Variants in SPATA17 observed in about 807,000 individuals in gnomAD.
SPATA17 encodes the protein spermatogenesis associated 17, also known as spermatogenesis-associated protein 17.
A neutral mutation model predicts 62.2 loss-of-function variants in SPATA17; 53 were observed. The observed-to-expected ratio is 0.85, with a 90% CI of 0.68 to 1.07. The LOEUF (loss-of-function observed/expected upper bound fraction) is 1.07, where lower values mean the gene tolerates loss of function less well. SPATA17 is among the 50% of genes least tolerant of loss of function. The pLI is 0.00. For synonymous variants in SPATA17, 146 were observed against 146.8 expected (o/e 0.99, Z 0.04); for missense variants, 466 against 425.5 (o/e 1.10, Z -0.84).
rs567563890 is a variant in SPATA17, at chr1:217,731,065, CTCTTA to C, written c.396-10908_396-10904del. ...GCACTGTAAACCACTTTCTTCTCTT[CTCTTA>C]TAATTTAATTCTCTGATACCACTTT... On this transcript the variant is annotated intron_variant, in intron 5 of 10. Coordinates refer to ENST00000366933, the MANE Select transcript of SPATA17 (RefSeq NM_138796.4). Among the ~76,000 whole-genome samples the C allele has an allele frequency of 3.9e-5, 6 of 152,204 alleles. No homozygotes were observed. In the South Asian group the frequency reaches 6.2e-4, roughly 16 times the overall value.
intron 5 of SPATA17, among the ~76,000 whole-genome samples, chr1:217,728,861 AT>A (rs373841516): frequency 6.6e-6 from 1 of 152,324 alleles, no homozygotes; most frequent in East Asian, 1.9e-4. Context: ...GTGCAGTTCC[AT>A]TAAGCTCTAA....
intron 5 of SPATA17, among the ~76,000 whole-genome samples, chr1:217,696,175 G>T (rs888085965): frequency 7.9e-5 from 12 of 152,234 alleles, no homozygotes; most frequent in South Asian, 2.1e-4. Context: ...TCCGAGCCAG[G>T]TGTGGGATAT....
chr1:217,678,443 C>T (rs543011257), intron 4 of SPATA17, among the ~76,000 whole-genome samples: 4 of 151,744 alleles, frequency 2.6e-5, no homozygotes, highest in South Asian at 2.1e-4. Context: ...CTCCTGACCT[C>T]GTGATCCACC....
chr1:217,819,798 T>A lies in SPATA17; in HGVS notation c.1005+17948T>A, dbSNP rs1367983944. 2.0e-5 allele frequency among the ~76,000 whole-genome samples: 3 copies of A among 152,036 alleles called. No individual in the cohort carries two copies. The East Asian group carries it at 5.8e-4, about 29-fold the overall frequency. On this transcript the variant is annotated intron_variant, in intron 9 of 10. Coordinates refer to ENST00000366933, the MANE Select transcript of SPATA17 (RefSeq NM_138796.4). ...TTTTTTGTGTTCCTTGATAATATTATGATGTATGGAGAGATTTGGATTTAG... is the reference window on the plus strand; with the variant it reads ...TTTTTTGTGTTCCTTGATAATATTAAGATGTATGGAGAGATTTGGATTTAG...
intron 5 of SPATA17, among the ~76,000 whole-genome samples, chr1:217,725,260 T>C (rs1672234232): frequency 6.6e-6 from 1 of 152,210 alleles, no homozygotes; most frequent in South Asian, 2.1e-4. Context: ...TGCCCACATG[T>C]TCTCAAGTAT....
In SPATA17 at chr1:217,748,497, C is replaced by T. The variant is rs186880811; in HGVS notation, c.519+6399C>T. On this transcript the variant is annotated intron_variant, in intron 6 of 10. Transcript: ENST00000366933. ...AGTGGCTCACGCCTGTAACCCAGCA[C>T]TTGGGGAGGCCAAGGAGGGCAGATC... Among the ~76,000 whole-genome samples the T allele has an allele frequency of 9.7e-4, 147 of 152,008 alleles. 2 individuals are homozygous for T. The East Asian group carries it at 0.013, about 14-fold the overall frequency.
intron 3 of SPATA17, among the ~76,000 whole-genome samples, chr1:217,662,178 A>C (rs17046740): frequency 0.064 from 9,672 of 152,232 alleles, 364 homozygotes; most frequent in African/African-American, 0.095. Flanking sequence ...TACCCAATTT[A>C]CATTATGTTT....
At chr1:217,669,137 C>G in intron 4 of SPATA17, 54 bp downstream of exon 4, 1 of 1,511,572 alleles carries the variant, frequency 6.6e-7, no homozygotes, top group Non-Finnish European at 9.1e-7. Context: ...GCCCTGAATT[C>G]GCTTTTAATA....
In SPATA17 at chr1:217,774,491, T is replaced by C. The variant is rs1289396127; in HGVS notation, c.677T>C (p.Phe226Ser). 6.2e-7 allele frequency: 1 copy of C among 1,614,072 alleles called. No individual in the cohort carries two copies. The highest frequency in any genetic ancestry group is 8.5e-7 in the Non-Finnish European group (1 of 1,179,970). The stretch of plus-strand genomic sequence containing the variant: ...CTAGCTTGTACAAGCGCCCGTTCTT[T>C]TCCTCGGTCTGAAATTCTACCACCT... ...DWLACTSARS[F>S]PRSEILPPIN... The change falls in exon 7 of 11, where the codon TTT (phenylalanine) becomes TCT (serine). Residue 226 changes from phenylalanine (F) to serine (S), a missense_variant. Phe to Ser is a radical substitution (Grantham distance 155, BLOSUM62 -2). Coordinates refer to ENST00000366933, the MANE Select transcript of SPATA17 (RefSeq NM_138796.4).
chr1:217,842,160 G>T (rs528017887), intron 9 of SPATA17, among the ~76,000 whole-genome samples: 1 of 151,810 alleles, frequency 6.6e-6, no homozygotes, highest in South Asian at 2.1e-4. Flanking sequence ...TTCCTAGAAT[G>T]AACTCTAATC....
intron 9 of SPATA17, among the ~76,000 whole-genome samples, chr1:217,819,318 AG>A (rs1372067789): frequency 6.6e-6 from 1 of 151,900 alleles, no homozygotes; most frequent in Non-Finnish European, 1.5e-5. Flanking sequence ...ATAATGTTGT[AG>A]GGAAGAAGAG....
intron 9 of SPATA17, among the ~76,000 whole-genome samples, chr1:217,855,764 G>A: frequency 7.2e-6 from 1 of 138,608 alleles, no homozygotes; most frequent in African/African-American, 2.7e-5. Context: ...GTCTCGCTGT[G>A]TCGCCAGGCT....
At chr1:217,659,504 G>A (rs754140572) in intron 3 of SPATA17, among the ~76,000 whole-genome samples, 1 of 151,910 alleles carries the variant, frequency 6.6e-6, no homozygotes, top group Non-Finnish European at 1.5e-5. Flanking sequence ...TACAATCATT[G>A]TCTCATTATG....
chr1:217,840,551 G>A (rs991645954), intron 9 of SPATA17, among the ~76,000 whole-genome samples: 1 of 148,130 alleles, frequency 6.8e-6, no homozygotes, highest in African/African-American at 2.5e-5. Flanking sequence ...CAGCTTCTAA[G>A]ATTTTATAAA....
chr1:217,723,110 C>G (rs1004380151), intron 5 of SPATA17, among the ~76,000 whole-genome samples: 5 of 152,176 alleles, frequency 3.3e-5, no homozygotes, highest in Non-Finnish European at 7.4e-5. Flanking sequence ...GGCCAGAACT[C>G]CAGTCCACAG....
At chr1:217,796,192 A>G (rs1674148702) in intron 8 of SPATA17, among the ~76,000 whole-genome samples, 1 of 152,198 alleles carries the variant, frequency 6.6e-6, no homozygotes, top group Non-Finnish European at 1.5e-5. Context: ...TAAATGGCCT[A>G]AAAGAAGAGC....
chr1:217,660,508 G>A (rs1424006878), intron 3 of SPATA17, among the ~76,000 whole-genome samples: 1 of 152,214 alleles, frequency 6.6e-6, no homozygotes, highest in African/African-American at 2.4e-5. Flanking sequence ...AGGGTGGATT[G>A]TATTCTTGTT....
intron 6 of SPATA17, among the ~76,000 whole-genome samples, chr1:217,765,318 T>C (rs1673272341): frequency 6.6e-6 from 1 of 151,802 alleles, no homozygotes; most frequent in Non-Finnish European, 1.5e-5. Flanking sequence ...TGCCTTGGAA[T>C]AAATTTGCTA....
At chr1:217,825,396 T>C (rs926426349) in intron 9 of SPATA17, among the ~76,000 whole-genome samples, 17 of 151,982 alleles carry the variant, frequency 1.1e-4, no homozygotes, top group African/African-American at 4.1e-4. Context: ...TTTTTTGTTT[T>C]GTTTTTATAA....
Sources: gnomAD v4.1 joint callset for allele counts (sites outside exome capture counted in the v4.1 genomes callset) on GRCh38, gnomAD v4.1.1 for gene constraint, MANE v1.5 for transcripts, NCBI Gene and HGNC (gene_info 2026-07-23, HGNC 2026-07-21) for gene names.